Variants in ZNF718 observed in about 807,000 individuals in gnomAD.
The protein encoded by ZNF718 is zinc finger protein 718.
A neutral mutation model predicts 2.6 loss-of-function variants in ZNF718; 3 were observed. That is an observed-to-expected ratio of 1.16 (90% confidence interval 0.53 to 3.01). The LOEUF (loss-of-function observed/expected upper bound fraction) is 3.01. Among genes scored for constraint, ZNF718 ranks in the 30% most tolerant of loss-of-function variants. ZNF718 has a pLI of 0.03. For missense variants in ZNF718, 468 were observed against 230.0 expected (o/e 2.03, Z -6.69); for synonymous variants, 135 against 77.9 (o/e 1.73, Z -3.86).
intron 3 of ZNF718, among the ~76,000 whole-genome samples, chr4:133,177 TAAAAAAAAAA>T (rs1189716766): frequency 8.0e-5 from 1 of 12,528 alleles, no homozygotes; most frequent in Non-Finnish European, 1.4e-4. Context: ...GACTCCATCT[TAAAAAAAAAA>T]AAAAAAAAAT....
intron 3 of ZNF718, among the ~76,000 whole-genome samples, chr4:176,067 C>G (rs975163447): frequency 9.2e-5 from 14 of 152,080 alleles, no homozygotes; most frequent in African/African-American, 3.4e-4. Context: ...CAGCCTAATG[C>G]TCTATGATCA....
intron 3 of ZNF718, among the ~76,000 whole-genome samples, chr4:193,946 C>G (rs1338671211): frequency 1.3e-5 from 2 of 152,256 alleles, no homozygotes; most frequent in East Asian, 3.9e-4. Context: ...TTAAAGTGTC[C>G]TTGTAGACCG....
At chr4:146,939 G>T (rs1386284265) in intron 3 of ZNF718, among the ~76,000 whole-genome samples, 8 of 151,946 alleles carry the variant, frequency 5.3e-5, no homozygotes, top group Non-Finnish European at 5.9e-5. Flanking sequence ...TTAGTAATCT[G>T]TGTACTTTTG....
chr4:166,149 C>T (rs1717082185), downstream of ZNF718, among the ~76,000 whole-genome samples: 2 of 152,210 alleles, frequency 1.3e-5, no homozygotes, highest in East Asian at 3.9e-4. Context: ...TGGTTTCCAG[C>T]TTCATCCATG....
chr4:150,088 ATATTCT>A (rs1553812272), intron 3 of ZNF718: 2 of 149,582 alleles, frequency 1.3e-5, no homozygotes, highest in African/African-American at 4.8e-5. Flanking sequence ...ACTAATTTTT[ATATTCT>A]TATTAGTGTC....
chr4:175,054 A>G (rs1553818845), intron 3 of ZNF718, among the ~76,000 whole-genome samples: 1 of 152,190 alleles, frequency 6.6e-6, no homozygotes, highest in East Asian at 1.9e-4. Flanking sequence ...CCTTAGTTTT[A>G]TTGAAATCCT....
At chr4:189,223 G>A (rs1427267600) in intron 3 of ZNF718, among the ~76,000 whole-genome samples, 1 of 151,620 alleles carries the variant, frequency 6.6e-6, no homozygotes, top group South Asian at 2.1e-4. Context: ...ACCATGCCCG[G>A]CTACTGTAAA....
intron 3 of ZNF718, among the ~76,000 whole-genome samples, chr4:134,441 G>C (rs1365590775): frequency 6.6e-6 from 1 of 152,186 alleles, no homozygotes; most frequent in African/African-American, 2.4e-5. Context: ...ACCGTGCCCA[G>C]CCAATCAGTG....
intron 3 of ZNF718, among the ~76,000 whole-genome samples, chr4:200,786 C>G (rs1345256048): frequency 1.3e-5 from 2 of 151,788 alleles, no homozygotes; most frequent in Non-Finnish European, 2.9e-5. Flanking sequence ...ATAATTTTTT[C>G]AAAAGGAAAG....
In ZNF718 at chr4:131,484, GA is replaced by G; in HGVS notation, c.208del (p.Thr70GlnfsTer22). On this transcript the variant is annotated frameshift_variant, in exon 3 of 4. Coordinates refer to ENST00000510175, the MANE Select transcript of ZNF718 (RefSeq NM_001039127.6). LOFTEE classifies it low-confidence loss of function (END_TRUNC). ...RKEPYNLKIH[E>X]TAARPPAVCS... The stretch of plus-strand genomic sequence containing the variant: ...AGAGCCCTACAATTTGAAGATACAT[GA>G]AACAGCAGCCAGACCCCCAGGTAGG... 2.0e-6 allele frequency: 1 copy of G among 499,950 alleles called. No homozygotes were observed. Among genetic ancestry groups the G allele is most frequent in the Non-Finnish European group, 3.2e-6 (1 of 310,104 alleles). The allele number at this position is 499,950 out of a possible 1,614,324, so 31.0% of individuals were successfully genotyped here.
chr4:140,710 C>T (rs1715775679), intron 3 of ZNF718, among the ~76,000 whole-genome samples: 1 of 152,130 alleles, frequency 6.6e-6, no homozygotes, highest in African/African-American at 2.4e-5. Flanking sequence ...GCTATTGAGT[C>T]TTCATTTATG....
intron 3 of ZNF718, among the ~76,000 whole-genome samples, chr4:152,208 C>T (rs1383231844): frequency 6.9e-6 from 1 of 145,696 alleles, no homozygotes; most frequent in African/African-American, 2.5e-5. Context: ...CAGGGACAGG[C>T]AGGAGACAGA....
chr4:193,458 C>T (rs781815548), intron 3 of ZNF718, among the ~76,000 whole-genome samples: 11 of 152,026 alleles, frequency 7.2e-5, no homozygotes, highest in Non-Finnish European at 1.6e-4. Flanking sequence ...TACCCTTTTT[C>T]CTTCTCCTAA....
intron 1 of ZNF718, among the ~76,000 whole-genome samples, chr4:129,702 T>A (rs1275144596): frequency 1.9e-5 from 2 of 103,182 alleles, no homozygotes; most frequent in Non-Finnish European, 4.3e-5. Flanking sequence ...AATAAAAAAT[T>A]CCTCTGAATT....
chr4:193,849 T>A (rs1406656318), intron 3 of ZNF718, among the ~76,000 whole-genome samples: 3 of 152,116 alleles, frequency 2.0e-5, no homozygotes, highest in African/African-American at 7.2e-5. Context: ...AGAACCTTCA[T>A]CCCCTGGGGC....
intron 3 of ZNF718, among the ~76,000 whole-genome samples, chr4:194,629 T>C (rs1266883519): frequency 6.6e-6 from 1 of 152,234 alleles, no homozygotes; most frequent in African/African-American, 2.4e-5. Context: ...TATCTCTCCA[T>C]GTCAGATCAA....
At chr4:193,077 A>G (rs185160267) in intron 3 of ZNF718, among the ~76,000 whole-genome samples, 2 of 152,244 alleles carry the variant, frequency 1.3e-5, no homozygotes, top group Non-Finnish European at 2.9e-5. Context: ...GGAGGAAACT[A>G]TGTCCTTGTG....
intron 3 of ZNF718, among the ~76,000 whole-genome samples, chr4:138,751 G>C (rs1441270061): frequency 2.0e-5 from 3 of 152,038 alleles, no homozygotes; most frequent in Non-Finnish European, 4.4e-5. Flanking sequence ...CACCAAGAGA[G>C]TACTAGAGTT....
At chr4:159,962 T>C (rs1167468708) in intron 3 of ZNF718, among the ~76,000 whole-genome samples, 2 of 152,180 alleles carry the variant, frequency 1.3e-5, no homozygotes, top group Non-Finnish European at 2.9e-5. Context: ...CTCTCATACA[T>C]GTTGTAAGGG....
Sources: allele counts gnomAD v4.1 joint callset (sites outside exome capture counted in the v4.1 genomes callset), GRCh38; gene constraint gnomAD v4.1.1; transcripts MANE v1.5; gene names NCBI Gene and HGNC (gene_info 2026-07-23, HGNC 2026-07-21).